IMMP2L: variants seen among roughly 807,000 people sequenced by gnomAD.
IMMP2L encodes mitochondrial inner membrane protease subunit 2.
Under a neutral mutation model 19.3 loss-of-function variants are expected in IMMP2L, and 18 were observed. The ratio of observed to expected loss-of-function variants is 0.93; its 90% CI spans 0.64 to 1.38. IMMP2L has a LOEUF of 1.38. Ranked by LOEUF, IMMP2L falls within the 40% of genes most tolerant of loss-of-function variation. IMMP2L has a pLI of 0.00. For synonymous variants in IMMP2L, 76 were observed against 73.0 expected, an observed-to-expected ratio of 1.04 and a Z score of -0.21; for missense variants, 233 against 218.2, an observed-to-expected ratio of 1.07 and a Z score of -0.43.
intron 5 of IMMP2L, among the ~76,000 whole-genome samples, chr7:110,859,103 G>A (rs530253516): frequency 6.6e-6 from 1 of 152,082 alleles, no homozygotes; most frequent in East Asian, 1.9e-4. Flanking sequence ...ATGAATAGTT[G>A]ATTTGTTGTT....
At chr7:111,359,118 G>T (rs1231810207) in intron 3 of IMMP2L, among the ~76,000 whole-genome samples, 1 of 152,078 alleles carries the variant, frequency 6.6e-6, no homozygotes, top group Non-Finnish European at 1.5e-5. Context: ...GGAAGGCAAG[G>T]TTAACACGGT....
chr7:111,053,061 A>AG (rs1266814642), intron 3 of IMMP2L, among the ~76,000 whole-genome samples: 1 of 152,226 alleles, frequency 6.6e-6, no homozygotes, highest in Non-Finnish European at 1.5e-5. Context: ...AATTTGACTA[A>AG]GGGCCATAAC....
At chr7:111,005,349 C>A (rs1231649763) in intron 3 of IMMP2L, among the ~76,000 whole-genome samples, 1 of 152,132 alleles carries the variant, frequency 6.6e-6, no homozygotes, top group Admixed American at 6.6e-5. Flanking sequence ...AATCATACAT[C>A]TCCTATTGTT....
At chr7:111,298,721 A>T (rs1451560998) in intron 3 of IMMP2L, among the ~76,000 whole-genome samples, 1 of 149,110 alleles carries the variant, frequency 6.7e-6, no homozygotes, top group Non-Finnish European at 1.5e-5. Flanking sequence ...GTGCCACTGC[A>T]CTCCAGCAGC....
chr7:111,473,063 CTA>C (rs1295468567), intron 3 of IMMP2L, among the ~76,000 whole-genome samples: 1 of 152,002 alleles, frequency 6.6e-6, no homozygotes, highest in African/African-American at 2.4e-5. Flanking sequence ...ACAAATAAAA[CTA>C]TTATTGTCAT....
intron 5 of IMMP2L, among the ~76,000 whole-genome samples, chr7:110,731,105 C>T (rs538133426): frequency 6.6e-6 from 1 of 152,130 alleles, no homozygotes; most frequent in Non-Finnish European, 1.5e-5. Context: ...TCATATTTTA[C>T]TTTATATCTT....
At chr7:111,069,774 T>C (rs1233328716) in intron 3 of IMMP2L, among the ~76,000 whole-genome samples, 1 of 152,090 alleles carries the variant, frequency 6.6e-6, no homozygotes, top group Non-Finnish European at 1.5e-5. Flanking sequence ...TAAGGTAGAA[T>C]GACAGCTACA....
rs1807343436 is a variant in IMMP2L at position 111,178,587 on chromosome 7, C to T, written c.240-215022G>A. On this transcript the variant is annotated intron_variant, in intron 3 of 5. Coordinates refer to ENST00000405709, the MANE Select transcript of IMMP2L (RefSeq NM_032549.4). ...TCAATCCTCTCAAACCCTGTCACTG[C>T]TTTATCAGCAAAGTTTATTAAATAT... Among the ~76,000 whole-genome samples the T allele has an allele frequency of 1.3e-5, 2 of 152,082 alleles. 1 individual carries two copies. The highest frequency in any genetic ancestry group is 4.1e-4 in the South Asian group (2 of 4,828).
At chr7:111,198,841 TTC>T (rs1421345995) in intron 3 of IMMP2L, among the ~76,000 whole-genome samples, 3 of 152,178 alleles carry the variant, frequency 2.0e-5, no homozygotes, top group Non-Finnish European at 2.9e-5. Flanking sequence ...TTTCTTTAGA[TTC>T]TAAGTTCCCA....
At chr7:111,276,640 C>CAA (rs1562997852) in intron 3 of IMMP2L, among the ~76,000 whole-genome samples, 10 of 105,890 alleles carry the variant, frequency 9.4e-5, no homozygotes, top group South Asian at 9.4e-4. Flanking sequence ...CATGTGGAAC[C>CAA]GAAAAAAAAA....
At chr7:111,352,012 C>A (rs1430863412) in intron 3 of IMMP2L, among the ~76,000 whole-genome samples, 2 of 152,098 alleles carry the variant, frequency 1.3e-5, no homozygotes, top group South Asian at 2.1e-4. Context: ...AGAATATTTC[C>A]TTTTTCTGTA....
intron 3 of IMMP2L, among the ~76,000 whole-genome samples, chr7:111,207,685 G>A (rs547415280): frequency 2.2e-4 from 33 of 151,554 alleles, no homozygotes; most frequent in Admixed American, 1.2e-3. Context: ...ACAGGTGCGC[G>A]CCGCCATGTC....
chr7:110,995,056 C>A (rs1490851207), intron 3 of IMMP2L, among the ~76,000 whole-genome samples: 1 of 152,014 alleles, frequency 6.6e-6, no homozygotes, highest in Non-Finnish European at 1.5e-5. Context: ...TTCTGTTAGA[C>A]AGAAAAAGAG....
intron 4 of IMMP2L, among the ~76,000 whole-genome samples, chr7:110,960,914 A>G (rs1056122242): frequency 6.6e-6 from 1 of 151,944 alleles, no homozygotes; most frequent in African/African-American, 2.4e-5. Context: ...ATATGAATGG[A>G]AAGTATGCAC....
Position 110,884,832 on chromosome 7 carries a change from G to A in IMMP2L, c.408+1761C>T, listed in dbSNP as rs115596488. Reference sequence around the variant, plus strand: ...TATTCAAAAGCAAGAGAAGGCCTTAGTAGTATTTATTATCATCATTGCAAC... The same window carrying A: ...TATTCAAAAGCAAGAGAAGGCCTTAATAGTATTTATTATCATCATTGCAAC... On this transcript the variant is annotated intron_variant, in intron 5 of 5. Coordinates refer to ENST00000405709, the MANE Select transcript of IMMP2L (RefSeq NM_032549.4). Among the ~76,000 whole-genome samples, 473 of 151,944 alleles carry A rather than the reference G, an allele frequency of 3.1e-3. 2 individuals are homozygous for A. Among genetic ancestry groups the A allele is most frequent in the African/African-American group, 0.011 (461 of 41,500 alleles).
At chr7:111,232,284 G>T (rs528511996) in intron 3 of IMMP2L, among the ~76,000 whole-genome samples, 1 of 150,238 alleles carries the variant, frequency 6.7e-6, no homozygotes, top group Admixed American at 6.6e-5. Context: ...TCAATTAGGA[G>T]AATAAAGAAT....
intron 3 of IMMP2L, among the ~76,000 whole-genome samples, chr7:111,399,813 A>C (rs1329467646): frequency 6.6e-6 from 1 of 152,116 alleles, no homozygotes; most frequent in Non-Finnish European, 1.5e-5. Context: ...AGGCTCCTTT[A>C]ATATAGAGTC....
chr7:110,934,098 C>G (rs777827365), intron 4 of IMMP2L, among the ~76,000 whole-genome samples: 1 of 152,042 alleles, frequency 6.6e-6, no homozygotes, highest in Non-Finnish European at 1.5e-5. Flanking sequence ...CATTATTTAC[C>G]CAGTAGTCAT....
At chr7:111,234,323 G>C (rs1256620873) in intron 3 of IMMP2L, among the ~76,000 whole-genome samples, 1 of 151,930 alleles carries the variant, frequency 6.6e-6, no homozygotes, top group African/African-American at 2.4e-5. Flanking sequence ...CAGATTCATA[G>C]GGTTGTTCAG....
Sources: allele counts gnomAD v4.1 joint callset (sites outside exome capture counted in the v4.1 genomes callset), GRCh38; gene constraint gnomAD v4.1.1; transcripts MANE v1.5; gene names NCBI Gene and HGNC (gene_info 2026-07-23, HGNC 2026-07-21).